CAMTA1: variants seen among roughly 807,000 people sequenced by gnomAD.
CAMTA1 encodes the protein calmodulin binding transcription activator 1, also known as calmodulin-binding transcription activator 1.
Under a neutral mutation model 170.9 loss-of-function variants are expected in CAMTA1, and 27 were observed. The ratio of observed to expected loss-of-function variants is 0.16; its 90% CI spans 0.12 to 0.22. The LOEUF is 0.22. CAMTA1 is among the 10% of genes least tolerant of loss of function. CAMTA1 has a pLI of 1.00. For synonymous variants in CAMTA1, 833 were observed against 891.5 expected, an observed-to-expected ratio of 0.93 and a Z score of 1.17; for missense variants, 1,619 against 2,217.2, an observed-to-expected ratio of 0.73 and a Z score of 5.42.
chr1:6,859,879 C>G (rs963069024), intron 3 of CAMTA1, among the ~76,000 whole-genome samples: 1 of 152,176 alleles, frequency 6.6e-6, no homozygotes, highest in African/African-American at 2.4e-5. Context: ...AAACCCTTAC[C>G]AATGGTAAGT....
At chr1:7,311,856 G>T (rs974374653) in intron 5 of CAMTA1, among the ~76,000 whole-genome samples, 1 of 152,160 alleles carries the variant, frequency 6.6e-6, no homozygotes, top group African/African-American at 2.4e-5. Context: ...GCTGTCCTGT[G>T]TGTGCACCAT....
At position 7,671,050 on chromosome 1, in the gene CAMTA1, C is replaced by T; in HGVS notation, c.2779+13C>T. 9.3e-6 allele frequency: 15 copies of T among 1,611,640 alleles called. No homozygotes were observed. The highest frequency in any genetic ancestry group is 1.3e-5 in the African/African-American group (1 of 75,018). ...TGCTACTGCCCAGGTGAGAAAGCCGCCCCCCAGGCCCCCAAGGTGAGTGTG... is the reference window on the plus strand; with the variant it reads ...TGCTACTGCCCAGGTGAGAAAGCCGTCCCCCAGGCCCCCAAGGTGAGTGTG... On this transcript the variant is annotated intron_variant, in intron 10 of 22. Coordinates refer to ENST00000303635, the MANE Select transcript of CAMTA1 (RefSeq NM_015215.4).
intron 3 of CAMTA1, among the ~76,000 whole-genome samples, chr1:6,956,942 C>T (rs1476386055): frequency 6.6e-6 from 1 of 152,198 alleles, no homozygotes; most frequent in Non-Finnish European, 1.5e-5. Context: ...AGCGGTCGGG[C>T]CAGCATGGCC....
chr1:6,973,673 T>A (rs1273849979), intron 3 of CAMTA1, among the ~76,000 whole-genome samples: 1 of 152,196 alleles, frequency 6.6e-6, no homozygotes, highest in Non-Finnish European at 1.5e-5. Flanking sequence ...TATCCTAATT[T>A]ATCTTGACAG....
At chr1:7,281,177 A>T (rs1671455244) in intron 5 of CAMTA1, among the ~76,000 whole-genome samples, 1 of 152,324 alleles carries the variant, frequency 6.6e-6, no homozygotes, top group African/African-American at 2.4e-5. Context: ...TATATTAAAG[A>T]CATTCGTTCA....
At chr1:7,601,339 GA>G (rs1217201851) in intron 6 of CAMTA1, among the ~76,000 whole-genome samples, 26 of 152,048 alleles carry the variant, frequency 1.7e-4, no homozygotes, top group African/African-American at 6.0e-4. Flanking sequence ...TCACATCCCA[GA>G]CGGGGCGGCA....
At chr1:7,692,521 G>A (rs771141383) in intron 11 of CAMTA1, among the ~76,000 whole-genome samples, 1 of 152,076 alleles carries the variant, frequency 6.6e-6, no homozygotes, top group South Asian at 2.1e-4. Context: ...AAGAAAGAAC[G>A]AAAGAAAGAA....
At chr1:7,212,293 TGGA>T (rs1658918737) in intron 4 of CAMTA1, among the ~76,000 whole-genome samples, 1 of 152,200 alleles carries the variant, frequency 6.6e-6, no homozygotes, top group Non-Finnish European at 1.5e-5. Context: ...TTTTTAAGGA[TGGA>T]AAACATTAAC....
intron 6 of CAMTA1, among the ~76,000 whole-genome samples, chr1:7,493,088 A>C (rs2478275): frequency 7.7e-6 from 1 of 129,290 alleles, no homozygotes; most frequent in African/African-American, 3.1e-5. Flanking sequence ...TACAAACGTG[A>C]GCACACAACA....
intron 6 of CAMTA1, among the ~76,000 whole-genome samples, chr1:7,531,523 C>A (rs1043921519): frequency 6.6e-6 from 1 of 152,208 alleles, no homozygotes; most frequent in Non-Finnish European, 1.5e-5. Context: ...GGGAGAGGAA[C>A]CCCAAGTCCA....
intron 5 of CAMTA1, among the ~76,000 whole-genome samples, chr1:7,459,446 G>A (rs1241863614): frequency 6.6e-6 from 1 of 152,214 alleles, no homozygotes; most frequent in African/African-American, 2.4e-5. Context: ...TGTACCTGCT[G>A]CTGGTTAGGG....
chr1:7,654,884 A>C (rs1558062820), intron 7 of CAMTA1, among the ~76,000 whole-genome samples: 1 of 146,312 alleles, frequency 6.8e-6, no homozygotes, highest in African/African-American at 2.6e-5. Flanking sequence ...ACACATCTAT[A>C]CACACAAATA....
chr1:7,541,402 G>T (rs74946509), intron 6 of CAMTA1, among the ~76,000 whole-genome samples: 1,768 of 152,302 alleles, frequency 0.012, 35 homozygotes, highest in African/African-American at 0.04. Context: ...TGAGTTAGAG[G>T]TTGGGAGAAG....
At chr1:7,606,132 G>A (rs2095484702) in intron 6 of CAMTA1, among the ~76,000 whole-genome samples, 2 of 152,206 alleles carry the variant, frequency 1.3e-5, no homozygotes, top group South Asian at 4.2e-4. Flanking sequence ...TGTAGTCGGT[G>A]GAGGCATTGG....
chr1:7,047,539 C>A (rs1705585895), intron 3 of CAMTA1, among the ~76,000 whole-genome samples: 1 of 152,110 alleles, frequency 6.6e-6, no homozygotes, highest in African/African-American at 2.4e-5. Flanking sequence ...CTGTCCCCAC[C>A]CTTCTTCAGC....
At chr1:7,445,029 G>A (rs1029101987) in intron 5 of CAMTA1, among the ~76,000 whole-genome samples, 9 of 137,884 alleles carry the variant, frequency 6.5e-5, no homozygotes, top group Non-Finnish European at 1.2e-4. Flanking sequence ...GGTTGCAGCT[G>A]CCTCCCTAGC....
chr1:7,596,734 C>T (rs541890960), intron 6 of CAMTA1, among the ~76,000 whole-genome samples: 127 of 152,352 alleles, frequency 8.3e-4, no homozygotes, highest in African/African-American at 2.8e-3. Context: ...TCAAGCCCCA[C>T]GGCACTTGCT....
chr1:7,377,971 C>G (rs1195927162), intron 5 of CAMTA1, among the ~76,000 whole-genome samples: 1 of 152,124 alleles, frequency 6.6e-6, no homozygotes, highest in Non-Finnish European at 1.5e-5. Flanking sequence ...CCTCCATGCA[C>G]ATTTGTTTAC....
At chr1:7,427,216 C>T (rs1367303762) in intron 5 of CAMTA1, among the ~76,000 whole-genome samples, 1 of 152,220 alleles carries the variant, frequency 6.6e-6, no homozygotes, top group Non-Finnish European at 1.5e-5. Flanking sequence ...AACCTTTTGA[C>T]CGCTTCCTAA....
Sources: allele counts gnomAD v4.1 joint callset (sites outside exome capture counted in the v4.1 genomes callset), GRCh38; gene constraint gnomAD v4.1.1; transcripts MANE v1.5; gene names NCBI Gene and HGNC (gene_info 2026-07-23, HGNC 2026-07-21).